SKA2: variants seen among roughly 807,000 people sequenced by gnomAD.
The protein encoded by SKA2 is spindle and kinetochore associated complex subunit 2.
A neutral mutation model predicts 16.9 loss-of-function variants in SKA2; 13 were observed. That is an observed-to-expected ratio of 0.77 (90% confidence interval 0.50 to 1.22). The LOEUF is 1.22. SKA2 is among the 50% of genes most tolerant of loss of function. The pLI is 0.00. For missense variants in SKA2, 107 were observed against 139.7 expected (o/e 0.77, Z 1.18); for synonymous variants, 47 against 48.5 (o/e 0.97, Z 0.13).
At chr17:59,134,876 A>G (rs1333781386) in intron 1 of SKA2, among the ~76,000 whole-genome samples, 2 of 151,634 alleles carry the variant, frequency 1.3e-5, no homozygotes, top group African/African-American at 2.4e-5. Flanking sequence ...ACTCTGTCAT[A>G]CAAGCAGGAG....
intron 1 of SKA2, among the ~76,000 whole-genome samples, chr17:59,140,072 C>G (rs1026508674): frequency 1.3e-5 from 2 of 152,164 alleles, no homozygotes; most frequent in Non-Finnish European, 2.9e-5. Flanking sequence ...TACCCATTCT[C>G]TCTTCCAAAC....
intron 1 of SKA2, among the ~76,000 whole-genome samples, chr17:59,140,771 C>G (rs560344040): frequency 4.5e-4 from 62 of 138,032 alleles, no homozygotes; most frequent in Non-Finnish European, 5.1e-4. Flanking sequence ...CCACCACACC[C>G]GCCTAATTTT....
intron 1 of SKA2, among the ~76,000 whole-genome samples, chr17:59,141,351 C>T (rs1012063063): frequency 1.3e-5 from 2 of 151,918 alleles, no homozygotes; most frequent in Non-Finnish European, 2.9e-5. Flanking sequence ...GAGCCGAGAT[C>T]GCACCACTGC....
chr17:59,144,842 T>A (rs577235982), intron 1 of SKA2, among the ~76,000 whole-genome samples: 29 of 152,236 alleles, frequency 1.9e-4, no homozygotes, highest in South Asian at 4.1e-4. Flanking sequence ...TCTCACTCTG[T>A]CGCCCAGGTT....
At chr17:59,118,730 G>GT (rs2046313177) in intron 3 of SKA2, among the ~76,000 whole-genome samples, 1 of 151,894 alleles carries the variant, frequency 6.6e-6, no homozygotes, top group Non-Finnish European at 1.5e-5. Flanking sequence ...TACATCTAAG[G>GT]TATCATTTTA....
At chr17:59,118,393 T>C (rs939205748) in intron 3 of SKA2, 1 of 152,266 alleles carries the variant, frequency 6.6e-6, no homozygotes, top group African/African-American at 2.4e-5. Context: ...ATACCATTTT[T>C]CCCTTTGCCC....
intron 1 of SKA2, among the ~76,000 whole-genome samples, chr17:59,154,395 A>C (rs1440680808): frequency 6.6e-6 from 1 of 152,124 alleles, no homozygotes; most frequent in Non-Finnish European, 1.5e-5. Context: ...CACGCCAGCA[A>C]CAACGGGAGT....
At chr17:59,112,617 T>C (rs936009419) in intron 3 of SKA2, among the ~76,000 whole-genome samples, 16 of 152,164 alleles carry the variant, frequency 1.1e-4, no homozygotes, top group Admixed American at 1.0e-3. Flanking sequence ...ACCAAAGAAG[T>C]CATGTTTGGA....
At chr17:59,133,958 A>T (rs2046427242) in intron 1 of SKA2, among the ~76,000 whole-genome samples, 1 of 152,228 alleles carries the variant, frequency 6.6e-6, no homozygotes, top group Non-Finnish European at 1.5e-5. Context: ...ATAATTACAA[A>T]GTGTGTTTAA....
chr17:59,119,912 CTTT>C (rs758313063), intron 2 of SKA2, among the ~76,000 whole-genome samples: 1 of 142,706 alleles, frequency 7.0e-6, no homozygotes, highest in Admixed American at 7.1e-5. Context: ...TTATAAAAAT[CTTT>C]TTTTTTTTTT....
intron 2 of SKA2, among the ~76,000 whole-genome samples, chr17:59,120,337 T>C (rs1338241451): frequency 6.6e-6 from 1 of 152,232 alleles, no homozygotes; most frequent in East Asian, 1.9e-4. Flanking sequence ...CAGATTTATT[T>C]TGTAATATAC....
intron 1 of SKA2, 191 bp downstream of exon 1, chr17:59,154,940 G>A: frequency 2.5e-6 from 4 of 1,611,908 alleles, no homozygotes; most frequent in Non-Finnish European, 3.4e-6. Flanking sequence ...CGAGTTTCCC[G>A]GATGTAACCC....
At chr17:59,122,061 T>C (rs1032789835) in intron 2 of SKA2, among the ~76,000 whole-genome samples, 5 of 151,610 alleles carry the variant, frequency 3.3e-5, no homozygotes, top group Non-Finnish European at 1.5e-5. Context: ...CCAGAAAGGA[T>C]AGGATGTTTC....
chr17:59,151,257 C>G (rs757355539), intron 1 of SKA2: 1 of 480,280 alleles, frequency 2.1e-6, no homozygotes, highest in African/African-American at 2.0e-5. Context: ...CATCTTGCAT[C>G]GGTTGAAGCT....
intron 1 of SKA2, among the ~76,000 whole-genome samples, chr17:59,140,945 A>G (rs2046484138): frequency 6.6e-6 from 1 of 150,924 alleles, no homozygotes; most frequent in Non-Finnish European, 1.5e-5. Context: ...TTTATCAGTC[A>G]AAGTAGACTA....
intron 2 of SKA2, among the ~76,000 whole-genome samples, chr17:59,123,899 A>G (rs749436991): frequency 2.0e-5 from 3 of 152,210 alleles, no homozygotes; most frequent in Non-Finnish European, 4.4e-5. Flanking sequence ...TCACAGTGCT[A>G]ATAAGAGGCA....
chr17:59,135,886 C>T (rs1484386137), intron 1 of SKA2, among the ~76,000 whole-genome samples: 1 of 148,644 alleles, frequency 6.7e-6, no homozygotes, highest in African/African-American at 2.5e-5. Context: ...TTTAAAAAGA[C>T]AAGAAAAACA....
At chr17:59,126,207 T>TAAAA (rs1412007621) in intron 2 of SKA2, among the ~76,000 whole-genome samples, 1 of 151,804 alleles carries the variant, frequency 6.6e-6, no homozygotes, top group Non-Finnish European at 1.5e-5. Flanking sequence ...AATAAATAAA[T>TAAAA]AAATAAAATT....
chr17:59,148,481 A>G (rs2147820510), intron 1 of SKA2, among the ~76,000 whole-genome samples: 1 of 152,164 alleles, frequency 6.6e-6, no homozygotes, highest in South Asian at 2.1e-4. Flanking sequence ...GCAGTGGCAC[A>G]ATCATGGCTC....
Sources: gnomAD v4.1 joint callset for allele counts (sites outside exome capture counted in the v4.1 genomes callset) on GRCh38, gnomAD v4.1.1 for gene constraint, MANE v1.5 for transcripts, NCBI Gene and HGNC (gene_info 2026-07-23, HGNC 2026-07-21) for gene names.